RORA: variants seen among roughly 807,000 people sequenced by gnomAD.
RORA encodes the protein RAR related orphan receptor A.
RORA carries 7 observed loss-of-function variants against 69.5 expected under a neutral mutation model. That is an observed-to-expected ratio of 0.10 (90% CI 0.06 to 0.19). The LOEUF (loss-of-function observed/expected upper bound fraction) is 0.19, where lower values mean the gene tolerates loss of function less well. RORA is among the 10% of genes least tolerant of loss of function. The pLI, the probability that RORA is intolerant of heterozygous loss-of-function variation, is 1.00. For synonymous variants in RORA, 261 were observed against 240.8 expected, an observed-to-expected ratio of 1.08 and a Z score of -0.78; for missense variants, 457 against 663.0, an observed-to-expected ratio of 0.69 and a Z score of 3.41.
At chr15:60,704,822 T>C (rs1180839618) in intron 1 of RORA, among the ~76,000 whole-genome samples, 1 of 152,176 alleles carries the variant, frequency 6.6e-6, no homozygotes, top group Non-Finnish European at 1.5e-5. Context: ...AATATTGGCT[T>C]GAAGTGCTCC....
chr15:60,575,215 A>G (rs759416972), intron 2 of RORA, among the ~76,000 whole-genome samples: 3 of 152,210 alleles, frequency 2.0e-5, no homozygotes, highest in Non-Finnish European at 4.4e-5. Flanking sequence ...TCCTATTCCT[A>G]TAGCAACGTC....
rs1423464698 is a variant in RORA, at chr15:61,131,498, G to A, written c.166+97555C>T. Among the ~76,000 whole-genome samples the A allele has an allele frequency of 6.6e-6, 1 of 152,130 alleles. No homozygotes were observed. Among genetic ancestry groups the A allele is most frequent in the African/African-American group, 2.4e-5 (1 of 41,434 alleles). ...GTGAGTGGGGACTGAGGACTTCCTG[G>A]GGAAAGACTGAGGGAAATTATAGGG... On this transcript the variant is annotated intron_variant, in intron 1 of 10. Transcript: ENST00000335670. This position sits in a 1 kb window ranked among gnomAD's most constrained non-coding sequence, Gnocchi z 4.2.
chr15:60,780,679 A>C (rs1407724924), intron 1 of RORA, among the ~76,000 whole-genome samples: 1 of 152,250 alleles, frequency 6.6e-6, no homozygotes, highest in Non-Finnish European at 1.5e-5. Context: ...AAATGATTAA[A>C]ACAACAAAAC....
chr15:61,163,710 CAG>C (rs1312651104), intron 1 of RORA, among the ~76,000 whole-genome samples: 4 of 152,190 alleles, frequency 2.6e-5, no homozygotes, highest in Admixed American at 1.3e-4. Flanking sequence ...ACAAATTCCA[CAG>C]AGTTTGTCAC....
chr15:61,120,310 C>T (rs1165097121), intron 1 of RORA, among the ~76,000 whole-genome samples: 1 of 152,074 alleles, frequency 6.6e-6, no homozygotes, highest in Non-Finnish European at 1.5e-5. Context: ...CCAATCAAAT[C>T]AGAATCTGAT....
At chr15:60,556,285 C>T (rs1442975561) in intron 2 of RORA, among the ~76,000 whole-genome samples, 1 of 152,166 alleles carries the variant, frequency 6.6e-6, no homozygotes, top group Non-Finnish European at 1.5e-5. Context: ...TGTTCCCCAT[C>T]GCCAAGTGAA....
intron 1 of RORA, among the ~76,000 whole-genome samples, chr15:61,039,897 CT>C (rs1294054944): frequency 1.3e-5 from 2 of 151,460 alleles, no homozygotes; most frequent in East Asian, 1.9e-4. Flanking sequence ...AGGAATCTGC[CT>C]TTTTAACAAA....
At chr15:60,932,980 A>G (rs1892417796) in intron 1 of RORA, among the ~76,000 whole-genome samples, 1 of 151,778 alleles carries the variant, frequency 6.6e-6, no homozygotes, top group South Asian at 2.1e-4. Context: ...TTAAAAACTT[A>G]CTCCTCTTCC....
chr15:60,544,395 T>TTCTCTTCGAGATCCAGAA (rs1164458254), intron 2 of RORA, among the ~76,000 whole-genome samples: 1 of 139,188 alleles, frequency 7.2e-6, no homozygotes. Flanking sequence ...CAATGAACTG[T>TTCTCTTCGAGATCCAGAA]TCTCTTCGAG....
In RORA at chr15:60,594,478, G is replaced by C. The variant is rs114039707; in HGVS notation, c.197-62627C>G. The stretch of plus-strand genomic sequence containing the variant: ...GTATGTTCTTCCCTACTCAATGCAA[G>C]TGAACCCAGATATACAACTCGGATG... On this transcript the variant is annotated intron_variant, in intron 2 of 10. Transcript: ENST00000335670. Among the ~76,000 whole-genome samples, 385 of 152,308 alleles carry C rather than the reference G, an allele frequency of 2.5e-3. 3 individuals carry two copies. Among genetic ancestry groups the C allele is most frequent in the African/African-American group, 8.9e-3 (371 of 41,578 alleles).
intron 1 of RORA, among the ~76,000 whole-genome samples, chr15:60,713,610 A>T (rs1330526124): frequency 1.3e-5 from 2 of 152,196 alleles, no homozygotes; most frequent in Non-Finnish European, 2.9e-5. Context: ...TTCAGCCCTT[A>T]GGAATATTCC....
At chr15:61,158,733 C>T (rs368360693) in intron 1 of RORA, among the ~76,000 whole-genome samples, 5 of 152,156 alleles carry the variant, frequency 3.3e-5, no homozygotes, top group African/African-American at 1.2e-4. Context: ...CGGGAGCTGT[C>T]GTGTCAGCTG....
At chr15:60,848,866 C>CAACAAAGGG in intron 1 of RORA, 1 of 152,324 alleles carries the variant, frequency 6.6e-6, no homozygotes, top group African/African-American at 2.4e-5. Flanking sequence ...GCCCCTACTC[C>CAACAAAGGG]AACAAAGGGG....
intron 1 of RORA, among the ~76,000 whole-genome samples, chr15:60,881,363 G>T (rs2073678264): frequency 6.6e-6 from 1 of 152,212 alleles, no homozygotes; most frequent in Non-Finnish European, 1.5e-5. Context: ...CAGCCCTGCT[G>T]GGACCCAGTG....
chr15:61,136,227 C>T (rs2079239104), intron 1 of RORA, among the ~76,000 whole-genome samples: 1 of 151,854 alleles, frequency 6.6e-6, no homozygotes, highest in African/African-American at 2.4e-5. Flanking sequence ...GATTTGTCCA[C>T]AAGACCATGT....
At chr15:60,976,675 T>C (rs760639952) in intron 1 of RORA, among the ~76,000 whole-genome samples, 6 of 152,050 alleles carry the variant, frequency 3.9e-5, no homozygotes, top group Non-Finnish European at 8.8e-5. Flanking sequence ...GTGCTAATCA[T>C]CTCAGGAGGA....
At chr15:60,677,326 A>G in intron 2 of RORA, 1 of 417,398 alleles carries the variant, frequency 2.4e-6, no homozygotes, top group East Asian at 7.4e-5. Context: ...GAACAAGAAC[A>G]ACAACAACGA....
rs373203841 is a variant in RORA at position 60,676,629 on chromosome 15, C to G, written c.196+2028G>C. ...CACAGTTAGAAAGGCACTCAAAGTC[C>G]ACCCTGTGTGGCTATATCTTGATTT... On this transcript the variant is annotated intron_variant, in intron 2 of 10. Coordinates refer to ENST00000335670, the MANE Select transcript of RORA (RefSeq NM_134261.3). 2.3e-4 allele frequency among the ~76,000 whole-genome samples: 35 copies of G among 152,298 alleles called. No homozygotes were observed. In the East Asian group the frequency reaches 4.8e-3, roughly 21 times the overall value.
chr15:60,989,338 G>C (rs1043692784), intron 1 of RORA, among the ~76,000 whole-genome samples: 6 of 152,080 alleles, frequency 3.9e-5, no homozygotes, highest in African/African-American at 1.4e-4. Flanking sequence ...TTTTGTGTAT[G>C]GTCTTTCTTT....
Sources: allele counts gnomAD v4.1 joint callset (sites outside exome capture counted in the v4.1 genomes callset), GRCh38; gene constraint gnomAD v4.1.1; non-coding constraint Gnocchi (gnomAD v3.1); transcripts MANE v1.5; gene names NCBI Gene and HGNC (gene_info 2026-07-23, HGNC 2026-07-21).